ITPR1: variants seen among roughly 807,000 people sequenced by gnomAD.
ITPR1 encodes the protein inositol 1,4,5-trisphosphate-gated calcium channel ITPR1.
In ITPR1, 96 loss-of-function variants were observed where a neutral mutation model predicts 318.4. The ratio of observed to expected loss-of-function variants is 0.30; its 90% confidence interval spans 0.26 to 0.36. The LOEUF (loss-of-function observed/expected upper bound fraction) is 0.36, where lower values mean the gene tolerates loss of function less well. Among genes scored for constraint, ITPR1 ranks in the 10% least tolerant of loss-of-function variants. The pLI is 1.00. For synonymous variants in ITPR1, 1,312 were observed against 1,289.9 expected (o/e 1.02, Z -0.37); for missense variants, 2,440 against 3,460.2 (o/e 0.71, Z 7.40).
At chr3:4,551,813 C>A (rs1470109678) in intron 4 of ITPR1, among the ~76,000 whole-genome samples, 2 of 152,240 alleles carry the variant, frequency 1.3e-5, no homozygotes, top group Non-Finnish European at 2.9e-5. Context: ...GGTAAGTCAA[C>A]AAGCAATAGC....
intron 44 of ITPR1, among the ~76,000 whole-genome samples, chr3:4,736,311 G>A (rs1182830674): frequency 2.6e-5 from 4 of 152,194 alleles, no homozygotes; most frequent in African/African-American, 9.6e-5. Context: ...TCGGAGTCTC[G>A]GTTAATGAAG....
chr3:4,605,155 T>G (rs921667477), intron 4 of ITPR1, among the ~76,000 whole-genome samples: 29 of 152,260 alleles, frequency 1.9e-4, no homozygotes, highest in Admixed American at 5.9e-4. Context: ...ACATTTTTAG[T>G]AAAGATGGGG....
chr3:4,562,646 G>A (rs1417836995), intron 4 of ITPR1, among the ~76,000 whole-genome samples: 1 of 151,788 alleles, frequency 6.6e-6, no homozygotes, highest in Non-Finnish European at 1.5e-5. Flanking sequence ...TAATTGCACC[G>A]GCTAGTGGTT....
chr3:4,581,691 G>C (rs965906872), intron 4 of ITPR1, among the ~76,000 whole-genome samples: 1 of 152,186 alleles, frequency 6.6e-6, no homozygotes, highest in African/African-American at 2.4e-5. Flanking sequence ...TGACTGTAGG[G>C]GGAACCGTGT....
chr3:4,579,993 G>C (rs932744040), intron 4 of ITPR1, among the ~76,000 whole-genome samples: 1 of 152,112 alleles, frequency 6.6e-6, no homozygotes, highest in Non-Finnish European at 1.5e-5. Flanking sequence ...GGTGGATCAC[G>C]AAGTCAGGAG....
Position 4,662,093 on chromosome 3 carries a change from T to C in ITPR1, c.1263T>C (p.Ser421=). Reference sequence around the variant, plus strand: ...ACCTTGAATTTCAGATTGGCACCTCTCCTGTGAAGGAGGATAAGGAAGCAT... The same window carrying C: ...ACCTTGAATTTCAGATTGGCACCTCCCCTGTGAAGGAGGATAAGGAAGCAT... ...EKPVMLKIGT[S]PVKEDKEAFA... Residue 421 remains serine, a synonymous_variant, in exon 15 of 62, where the codon TCT becomes TCC. Transcript: ENST00000649015. 1 of 1,613,268 alleles carries C rather than the reference T, an allele frequency of 6.2e-7. No homozygotes were observed. Among genetic ancestry groups the C allele is most frequent in the Non-Finnish European group, 8.5e-7 (1 of 1,179,366 alleles).
chr3:4,497,704 C>A (rs1222778605), intron 2 of ITPR1, among the ~76,000 whole-genome samples: 2 of 152,138 alleles, frequency 1.3e-5, no homozygotes, highest in African/African-American at 4.8e-5. Context: ...AATTCCACTT[C>A]AAGGTATATA....
At chr3:4,662,350 A>G in intron 15 of ITPR1, 108 bp downstream of exon 15, 4 of 927,986 alleles carry the variant, frequency 4.3e-6, no homozygotes, top group Non-Finnish European at 6.0e-6. Flanking sequence ...AACATGGGGT[A>G]GCAGGCCTTA....
chr3:4,673,871 C>T (rs529629413), intron 21 of ITPR1, among the ~76,000 whole-genome samples: 23 of 152,278 alleles, frequency 1.5e-4, no homozygotes, highest in Non-Finnish European at 2.5e-4. Flanking sequence ...CGTGAGCCAC[C>T]GCGCCTGGCC....
chr3:4,520,929 T>C, intron 3 of ITPR1, 95 bp from the exon 4 acceptor site: 5 of 876,014 alleles, frequency 5.7e-6, no homozygotes, highest in South Asian at 1.4e-5. Flanking sequence ...ATCTAAATGT[T>C]GCGCAGGAAA....
intron 4 of ITPR1, among the ~76,000 whole-genome samples, chr3:4,541,341 G>A (rs2084419079): frequency 6.6e-6 from 1 of 151,928 alleles, no homozygotes; most frequent in Non-Finnish European, 1.5e-5. Context: ...TTTATTTTTA[G>A]GTGACAGTTT....
At chr3:4,759,344 G>A (rs967444320) in intron 44 of ITPR1, among the ~76,000 whole-genome samples, 59 of 152,210 alleles carry the variant, frequency 3.9e-4, no homozygotes, top group Non-Finnish European at 8.2e-4. Context: ...GGATTCATTG[G>A]CCCCTCTACA....
At chr3:4,604,629 A>G (rs531245379) in intron 4 of ITPR1, among the ~76,000 whole-genome samples, 2 of 152,220 alleles carry the variant, frequency 1.3e-5, no homozygotes, top group East Asian at 1.9e-4. Flanking sequence ...ATGGACACGC[A>G]TGGGCCGTGT....
intron 10 of ITPR1, among the ~76,000 whole-genome samples, chr3:4,647,362 T>C (rs2093481828): frequency 6.6e-6 from 1 of 152,258 alleles, no homozygotes; most frequent in Non-Finnish European, 1.5e-5. Context: ...TAGGGATATT[T>C]GTACACAAGT....
intron 44 of ITPR1, among the ~76,000 whole-genome samples, chr3:4,744,913 CTT>C (rs1486592158): frequency 1.1e-4 from 3 of 27,618 alleles, no homozygotes; most frequent in Non-Finnish European, 7.1e-5. Flanking sequence ...TCCTTCCTTC[CTT>C]CCTTCCTTCC....
chr3:4,657,456 A>C (rs1575946367), intron 12 of ITPR1, among the ~76,000 whole-genome samples: 1 of 141,648 alleles, frequency 7.1e-6, no homozygotes. Context: ...GTGTAACTGC[A>C]CGTTTTTGAA....
intron 4 of ITPR1, among the ~76,000 whole-genome samples, chr3:4,543,815 T>A (rs2124981624): frequency 6.6e-6 from 1 of 152,352 alleles, no homozygotes; most frequent in Middle Eastern, 3.4e-3. Flanking sequence ...GCTTAAAACA[T>A]AAGGGCATTT....
chr3:4,814,322 C>G (rs568334243), intron 57 of ITPR1, 101 bp from the exon 58 acceptor site: 1 of 1,237,456 alleles, frequency 8.1e-7, no homozygotes, highest in African/African-American at 1.5e-5. Context: ...TTTATTCTTT[C>G]GTGTGCCTGG....
intron 10 of ITPR1, among the ~76,000 whole-genome samples, chr3:4,651,628 A>G (rs2093601595): frequency 6.6e-6 from 1 of 152,196 alleles, no homozygotes. Flanking sequence ...TGTTTATGGC[A>G]CCAACTACCA....
Sources: allele counts gnomAD v4.1 joint callset (sites outside exome capture counted in the v4.1 genomes callset), GRCh38; gene constraint gnomAD v4.1.1; transcripts MANE v1.5; gene names NCBI Gene and HGNC (gene_info 2026-07-23, HGNC 2026-07-21).